DTX4: variants seen among roughly 807,000 people sequenced by gnomAD.
DTX4 encodes the protein E3 ubiquitin-protein ligase DTX4.
In DTX4, 28 loss-of-function variants were observed where a neutral mutation model predicts 57.6. The ratio of observed to expected loss-of-function variants is 0.49; its 90% CI spans 0.36 to 0.67. The LOEUF is 0.67. DTX4 is among the 30% of genes least tolerant of loss of function. The pLI is 0.00. For missense variants in DTX4, 715 were observed against 836.8 expected, an observed-to-expected ratio of 0.85 and a Z score of 1.80; for synonymous variants, 316 against 331.0, an observed-to-expected ratio of 0.95 and a Z score of 0.49.
At chr11:59,174,902 T>C (rs991995403) in intron 1 of DTX4, among the ~76,000 whole-genome samples, 2 of 152,196 alleles carry the variant, frequency 1.3e-5, no homozygotes, top group East Asian at 3.8e-4. Flanking sequence ...CATCCGCTCA[T>C]TGCTAGAGTC....
intron 8 of DTX4, among the ~76,000 whole-genome samples, chr11:59,202,614 T>C (rs1862752821): frequency 6.6e-6 from 1 of 152,218 alleles, no homozygotes; most frequent in East Asian, 1.9e-4. Flanking sequence ...GATTCCCATC[T>C]GAGAGTCAAC....
chr11:59,195,094 C>G, intron 6 of DTX4, 114 bp from the exon 7 acceptor site: 1 of 1,082,944 alleles, frequency 9.2e-7, no homozygotes, highest in Non-Finnish European at 1.4e-6. Context: ...CTATCACTCA[C>G]CAGGGTGCAT....
chr11:59,195,886 G>A (rs1862661441), intron 7 of DTX4, among the ~76,000 whole-genome samples: 1 of 152,176 alleles, frequency 6.6e-6, no homozygotes, highest in Non-Finnish European at 1.5e-5. Context: ...TCCAGAAGTG[G>A]AATTTCTTTG....
At chr11:59,179,378 C>G (rs1397538476) in intron 1 of DTX4, among the ~76,000 whole-genome samples, 1 of 152,198 alleles carries the variant, frequency 6.6e-6, no homozygotes, top group Admixed American at 6.5e-5. Context: ...AAGATAAAAC[C>G]CGCAACCCAG....
chr11:59,205,727 A>T lies in DTX4; in HGVS notation c.*818A>T, dbSNP rs769867712. 6.5e-6 allele frequency: 1 copy of T among 152,754 alleles called. No homozygotes were observed. Among genetic ancestry groups the T allele is most frequent in the African/African-American group, 2.4e-5 (1 of 41,454 alleles). 9.5% of individuals were successfully genotyped at this position (152,754 alleles called of 1,614,324 possible). A position where few individuals can be genotyped will look rare whatever the true frequency, so the allele number is the denominator to read the frequency against. On this transcript the variant is annotated 3_prime_UTR_variant, in exon 9 of 9. Transcript: ENST00000227451. Reference sequence around the variant, plus strand: ...ACTGTCCTCAGGGAGAGGAGCCCACAGCCTTCTTCCCAACTCATTCTAGAC... The same window carrying T: ...ACTGTCCTCAGGGAGAGGAGCCCACTGCCTTCTTCCCAACTCATTCTAGAC...
At chr11:59,196,865 A>T (rs1038845456) in intron 7 of DTX4, among the ~76,000 whole-genome samples, 1 of 152,178 alleles carries the variant, frequency 6.6e-6, no homozygotes, top group African/African-American at 2.4e-5. Context: ...TTGTGTAATT[A>T]TTTTGTTATA....
chr11:59,172,282 A>G lies in DTX4; in HGVS notation c.-314A>G, dbSNP rs1483159314. Among the ~76,000 whole-genome samples, 1 of 151,746 alleles carries G rather than the reference A, an allele frequency of 6.6e-6. No homozygotes were observed. The highest frequency in any genetic ancestry group is 1.5e-5 in the Non-Finnish European group (1 of 67,898). Reference sequence around the variant, plus strand: ...GCGCGCCCGCCGAGTGGCTTTTGCAAGGCGGGGGCCTGTTTGCAGAGAGCC... The same window carrying G: ...GCGCGCCCGCCGAGTGGCTTTTGCAGGGCGGGGGCCTGTTTGCAGAGAGCC... On this transcript the variant is annotated 5_prime_UTR_variant, in exon 1 of 9. Coordinates refer to ENST00000227451, the MANE Select transcript of DTX4 (RefSeq NM_015177.2).
intron 7 of DTX4, among the ~76,000 whole-genome samples, chr11:59,195,977 C>T (rs1862662856): frequency 6.6e-6 from 1 of 152,206 alleles, no homozygotes; most frequent in Non-Finnish European, 1.5e-5. Context: ...TTTTGATTCT[C>T]TGAAAGACAG....
Position 59,206,997 on chromosome 11 carries a change from G to C in DTX4, c.*2088G>C, listed in dbSNP as rs138042892. On this transcript the variant is annotated 3_prime_UTR_variant, in exon 9 of 9. Transcript: ENST00000227451. Reference sequence around the variant, plus strand: ...AACTAAATGGAAGAGACATCCCTGCGGTGTTTAATATCACACCCATGCCCT... The same window carrying C: ...AACTAAATGGAAGAGACATCCCTGCCGTGTTTAATATCACACCCATGCCCT... The C allele has an allele frequency of 6.6e-6, 1 of 152,132 alleles. No individual in the cohort carries two copies. The highest frequency in any genetic ancestry group is 1.5e-5 in the Non-Finnish European group (1 of 68,036). 9.4% of individuals were successfully genotyped at this position (152,132 alleles called of 1,614,324 possible). A position where few individuals can be genotyped will look rare whatever the true frequency, so the allele number is the denominator to read the frequency against.
chr11:59,197,633 A>G (rs1252865672), intron 7 of DTX4, among the ~76,000 whole-genome samples: 4 of 152,214 alleles, frequency 2.6e-5, no homozygotes, highest in Non-Finnish European at 5.9e-5. Context: ...GCCAGAGGAA[A>G]GAAGACCAAT....
chr11:59,195,497 C>T, intron 7 of DTX4, 128 bp downstream of exon 7: 1 of 1,060,894 alleles, frequency 9.4e-7, no homozygotes, highest in South Asian at 1.8e-5. Flanking sequence ...CCAGCCTTGC[C>T]CGCTGACACT....
intron 2 of DTX4, among the ~76,000 whole-genome samples, chr11:59,184,261 C>T (rs1862500524): frequency 6.6e-6 from 1 of 152,158 alleles, no homozygotes; most frequent in Non-Finnish European, 1.5e-5. Flanking sequence ...TGGGTAAGAA[C>T]CCGTCCTCCA....
intron 2 of DTX4, 88 bp from the exon 3 acceptor site, chr11:59,188,647 C>G: frequency 8.9e-7 from 1 of 1,128,708 alleles, no homozygotes; most frequent in East Asian, 2.4e-5. Context: ...CTGTGTTAAG[C>G]ACTTAACTGC....
At chr11:59,189,643 G>A (rs964836317) in intron 4 of DTX4, among the ~76,000 whole-genome samples, 15 of 152,286 alleles carry the variant, frequency 9.8e-5, no homozygotes, top group East Asian at 3.9e-4. Context: ...GATTCAAATC[G>A]TACCTTTGTT....
At chr11:59,176,111 A>G (rs1862392539) in intron 1 of DTX4, among the ~76,000 whole-genome samples, 1 of 152,170 alleles carries the variant, frequency 6.6e-6, no homozygotes, top group Admixed American at 6.5e-5. Context: ...GAAGTGTCAG[A>G]TGGAGAGAAA....
chr11:59,204,591 C>CT, intron 8 of DTX4, 85 bp from the exon 9 acceptor site: 2 of 1,295,666 alleles, frequency 1.5e-6, no homozygotes, highest in Non-Finnish European at 2.2e-6. Context: ...GGATGGGGCC[C>CT]TTGGGAGGAT....
In DTX4 at chr11:59,173,762, C is replaced by T. The variant is rs573540471; in HGVS notation, c.211+956C>T. ...AGGTCAGAGCCAGGAAGGGAGCCTC[C>T]AGGATGGGGCCTTGGGGGGTGGGGA... On this transcript the variant is annotated intron_variant, in intron 1 of 8. Coordinates refer to ENST00000227451, the MANE Select transcript of DTX4 (RefSeq NM_015177.2). Among the ~76,000 whole-genome samples the T allele has an allele frequency of 1.5e-3, 232 of 152,076 alleles. 4 individuals carry two copies. The highest frequency in any genetic ancestry group is 5.7e-4 in the Non-Finnish European group (39 of 67,970).
At chr11:59,187,260 T>G (rs1862540205) in intron 2 of DTX4, among the ~76,000 whole-genome samples, 2 of 152,248 alleles carry the variant, frequency 1.3e-5, no homozygotes, top group South Asian at 4.1e-4. Flanking sequence ...TTTTCTGGCT[T>G]AGCTGTGTGA....
At chr11:59,202,267 T>A (rs1303469219) in intron 8 of DTX4, among the ~76,000 whole-genome samples, 1 of 152,206 alleles carries the variant, frequency 6.6e-6, no homozygotes, top group East Asian at 1.9e-4. Flanking sequence ...GAAGTATAAT[T>A]AGAGGATGGG....
Sources: allele counts gnomAD v4.1 joint callset (sites outside exome capture counted in the v4.1 genomes callset), GRCh38; gene constraint gnomAD v4.1.1; transcripts MANE v1.5; gene names NCBI Gene and HGNC (gene_info 2026-07-23, HGNC 2026-07-21).